ZRANB3: variants seen among roughly 807,000 people sequenced by gnomAD.
ZRANB3 encodes DNA annealing helicase and endonuclease ZRANB3.
ZRANB3 carries 125 observed loss-of-function variants against 133.8 expected under a neutral mutation model. The ratio of observed to expected loss-of-function variants is 0.93; its 90% CI spans 0.81 to 1.08. The LOEUF (loss-of-function observed/expected upper bound fraction) is 1.08, where lower values mean the gene tolerates loss of function less well. ZRANB3 is among the 50% of genes least tolerant of loss of function. ZRANB3 has a pLI of 0.00. For missense variants in ZRANB3, 1,229 were observed against 1,275.5 expected (o/e 0.96, Z 0.56); for synonymous variants, 387 against 432.7 (o/e 0.89, Z 1.31).
intron 2 of ZRANB3, among the ~76,000 whole-genome samples, chr2:135,421,256 C>G (rs1470727729): frequency 6.6e-6 from 1 of 152,114 alleles, no homozygotes; most frequent in Non-Finnish European, 1.5e-5. Context: ...GCTGTTGGCA[C>G]ACCAAACCAG....
At position 135,406,703 on chromosome 2, in the gene ZRANB3, A is replaced by G. The variant is rs535008291; in HGVS notation, c.162-15883T>C. Among the ~76,000 whole-genome samples, 124 of 152,336 alleles carry G rather than the reference A, an allele frequency of 8.1e-4. 1 individual carries two copies. Among genetic ancestry groups the G allele is most frequent in the African/African-American group, 2.6e-3 (110 of 41,582 alleles). On this transcript the variant is annotated intron_variant, in intron 2 of 20. Transcript: ENST00000264159. ...AATGAATGTAATCCAGCATATAAAC[A>G]GAACCAAAGACAAAAACCACATGAT... is the stretch of plus-strand genomic sequence containing the variant.
Position 135,268,958 on chromosome 2 carries a change from T to G in ZRANB3, c.1386+4A>C. ...TGCTAACTTGATTTAAATTCAAGCTTTACCTTGCGATTCAACATTCCCCAC... is the reference window on the plus strand; with the variant it reads ...TGCTAACTTGATTTAAATTCAAGCTGTACCTTGCGATTCAACATTCCCCAC... On this transcript the variant is annotated splice_donor_region_variant and intron_variant, in intron 11 of 20. Transcript: ENST00000264159. 6.3e-7 allele frequency: 1 copy of G among 1,599,820 alleles called. No homozygotes were observed. The highest frequency in any genetic ancestry group is 8.5e-7 in the Non-Finnish European group (1 of 1,173,560).
intron 2 of ZRANB3, among the ~76,000 whole-genome samples, chr2:135,394,948 C>T (rs1687413817): frequency 1.8e-5 from 2 of 111,522 alleles, no homozygotes; most frequent in South Asian, 3.0e-4. Flanking sequence ...AAGACCTTGT[C>T]TCTACAAAAA....
chr2:135,425,518 C>A (rs1415168083), intron 2 of ZRANB3, among the ~76,000 whole-genome samples: 1 of 152,106 alleles, frequency 6.6e-6, no homozygotes, highest in East Asian at 1.9e-4. Flanking sequence ...CATGGCTCTG[C>A]TGTGAGTAGA....
At chr2:135,390,702 G>C in intron 3 of ZRANB3, 100 bp downstream of exon 3, 6 of 1,400,294 alleles carry the variant, frequency 4.3e-6, no homozygotes, top group Non-Finnish European at 3.9e-6. Context: ...CCCATATACA[G>C]ACATATAGTC....
intron 11 of ZRANB3, among the ~76,000 whole-genome samples, chr2:135,268,684 G>A (rs966075133): frequency 2.0e-5 from 3 of 152,054 alleles, no homozygotes; most frequent in Admixed American, 6.6e-5. Context: ...GAAACATTAC[G>A]TTTCCTTGCT....
chr2:135,416,064 C>T (rs548075967), intron 2 of ZRANB3, among the ~76,000 whole-genome samples: 3 of 151,954 alleles, frequency 2.0e-5, no homozygotes, highest in Non-Finnish European at 4.4e-5. Flanking sequence ...GGGATGCCCT[C>T]GCTCATCACT....
chr2:135,396,630 G>T (rs1179084331), intron 2 of ZRANB3, among the ~76,000 whole-genome samples: 3 of 152,152 alleles, frequency 2.0e-5, no homozygotes, highest in Non-Finnish European at 4.4e-5. Context: ...TGAACTCATG[G>T]AGATAGAGAA....
chr2:135,466,194 C>A (rs547713048), intron 2 of ZRANB3, among the ~76,000 whole-genome samples: 1 of 151,846 alleles, frequency 6.6e-6, no homozygotes, highest in South Asian at 2.1e-4. Flanking sequence ...ACCAGCCTGG[C>A]CAACATGGTG....
chr2:135,211,192 T>G (rs1694084339), intron 17 of ZRANB3, among the ~76,000 whole-genome samples: 2 of 152,166 alleles, frequency 1.3e-5, no homozygotes, highest in Non-Finnish European at 2.9e-5. Flanking sequence ...TAACAGTATA[T>G]TCACAAGGCT....
intron 3 of ZRANB3, among the ~76,000 whole-genome samples, chr2:135,360,052 C>A (rs1685602702): frequency 6.6e-6 from 1 of 152,180 alleles, no homozygotes; most frequent in South Asian, 2.1e-4. Context: ...TGACTCAGTT[C>A]TAAATAAAAT....
chr2:135,247,182 C>G lies in ZRANB3; in HGVS notation c.1540-16255G>C, dbSNP rs1391953014. On this transcript the variant is annotated intron_variant, in intron 12 of 20. Coordinates refer to ENST00000264159, the MANE Select transcript of ZRANB3 (RefSeq NM_032143.4). ...ACAAATGGGTGATTGGGACATCATG[C>G]TGGTCTCTTGAACCACAGAGGATTG... 2.0e-5 allele frequency among the ~76,000 whole-genome samples: 3 copies of G among 152,170 alleles called. 1 individual carries two copies. The highest frequency in any genetic ancestry group is 1.5e-5 in the Non-Finnish European group (1 of 68,040).
chr2:135,224,277 G>A (rs1694670082), intron 15 of ZRANB3, 149 bp downstream of exon 15: 1 of 628,616 alleles, frequency 1.6e-6, no homozygotes, highest in African/African-American at 1.8e-5. Flanking sequence ...CTCATTGTCT[G>A]TAGATTTAAC....
intron 3 of ZRANB3, among the ~76,000 whole-genome samples, chr2:135,373,539 G>C (rs1264542429): frequency 2.6e-5 from 4 of 152,154 alleles, no homozygotes; most frequent in Non-Finnish European, 4.4e-5. Flanking sequence ...TGTAACTGTA[G>C]TACTTTGGGA....
At chr2:135,508,091 A>G (rs1007149325) in intron 1 of ZRANB3, among the ~76,000 whole-genome samples, 1 of 152,034 alleles carries the variant, frequency 6.6e-6, no homozygotes, top group Admixed American at 6.6e-5. Flanking sequence ...CACTTACATG[A>G]TTTATTTTTA....
chr2:135,278,843 G>A (rs1261913741), intron 8 of ZRANB3, among the ~76,000 whole-genome samples: 1 of 152,140 alleles, frequency 6.6e-6, no homozygotes, highest in Non-Finnish European at 1.5e-5. Context: ...GGTGAATACT[G>A]ATCAAGCCAA....
chr2:135,446,206 CA>C (rs200864291), intron 2 of ZRANB3, among the ~76,000 whole-genome samples: 433 of 98,702 alleles, frequency 4.4e-3, no homozygotes, highest in Admixed American at 4.5e-3. Flanking sequence ...AACTCAATCT[CA>C]AAAAAAAAAA....
At chr2:135,376,715 G>C (rs139271033) in intron 3 of ZRANB3, among the ~76,000 whole-genome samples, 1 of 152,074 alleles carries the variant, frequency 6.6e-6, no homozygotes, top group African/African-American at 2.4e-5. Flanking sequence ...GAGGCACAAG[G>C]GATTGTGTAG....
chr2:135,376,972 A>G (rs61028464), intron 3 of ZRANB3, among the ~76,000 whole-genome samples: 5,927 of 152,324 alleles, frequency 0.039, 403 homozygotes, highest in African/African-American at 0.14. Flanking sequence ...CCTGAGTAAC[A>G]TTGGAAATGA....
Sources: allele counts gnomAD v4.1 joint callset (sites outside exome capture counted in the v4.1 genomes callset), GRCh38; gene constraint gnomAD v4.1.1; transcripts MANE v1.5; gene names NCBI Gene and HGNC (gene_info 2026-07-23, HGNC 2026-07-21).